The following CNGB3 variants were observed in gnomAD, a reference collection of about 807,000 sequenced individuals.
CNGB3 encodes cyclic nucleotide-gated channel beta-3.
In CNGB3, 86 loss-of-function variants were observed where a neutral mutation model predicts 92.8. That is an observed-to-expected ratio of 0.93 (90% CI 0.78 to 1.11). The LOEUF is 1.11. CNGB3 is among the 50% of genes least tolerant of loss of function. The pLI, the probability that CNGB3 is intolerant of heterozygous loss-of-function variation, is 0.00. For missense variants in CNGB3, 1,026 were observed against 956.8 expected, an observed-to-expected ratio of 1.07 and a Z score of -0.95; for synonymous variants, 333 against 332.7, an observed-to-expected ratio of 1.00 and a Z score of -0.01.
intron 8 of CNGB3, among the ~76,000 whole-genome samples, chr8:86,647,162 A>C (rs1463129420): frequency 6.6e-6 from 1 of 151,034 alleles, no homozygotes; most frequent in Non-Finnish European, 1.5e-5. Flanking sequence ...CCATATCAGT[A>C]CATAAAAAGC....
At chr8:86,664,322 C>G (rs1004334674) in intron 6 of CNGB3, among the ~76,000 whole-genome samples, 2 of 152,204 alleles carry the variant, frequency 1.3e-5, no homozygotes, top group Non-Finnish European at 2.9e-5. Flanking sequence ...TCTGAAGATT[C>G]AACAGAAAAT....
intron 12 of CNGB3, among the ~76,000 whole-genome samples, chr8:86,628,709 T>G (rs1822898530): frequency 6.6e-6 from 1 of 152,118 alleles, no homozygotes; most frequent in South Asian, 2.1e-4. Flanking sequence ...TGATTAAAAT[T>G]TAGCCTTTTC....
intron 2 of CNGB3, among the ~76,000 whole-genome samples, chr8:86,726,931 A>G (rs973758400): frequency 6.6e-6 from 1 of 152,136 alleles, no homozygotes; most frequent in Non-Finnish European, 1.5e-5. Flanking sequence ...TCGTTGTGCA[A>G]ACATCATAGA....
intron 15 of CNGB3, chr8:86,594,023 A>T (rs1585956070): frequency 2.6e-6 from 1 of 385,048 alleles, no homozygotes; most frequent in Non-Finnish European, 5.0e-6. Flanking sequence ...GCCCTAGGAC[A>T]TGAGGACCCT....
In CNGB3 at chr8:86,668,005, C is replaced by T. The variant is rs372475075; in HGVS notation, c.643+14G>A. The T allele has an allele frequency of 1.1e-4, 170 of 1,613,690 alleles. No homozygotes were observed. Among genetic ancestry groups the T allele is most frequent in the Non-Finnish European group, 1.4e-4 (161 of 1,179,862 alleles). ...CCAGCCCTCCCACTATGATAATTCA[C>T]CCTTTGATAATACCTGTGTATGAAT... is the stretch of plus-strand genomic sequence containing the variant. On this transcript the variant is annotated intron_variant, in intron 5 of 17. Coordinates refer to ENST00000320005, the MANE Select transcript of CNGB3 (RefSeq NM_019098.5).
intron 4 of CNGB3, 71 bp downstream of exon 4, chr8:86,670,873 T>C: frequency 1.9e-6 from 3 of 1,538,546 alleles, no homozygotes; most frequent in Non-Finnish European, 2.7e-6. Context: ...AGATCCAAAC[T>C]AAAACATCTG....
chr8:86,625,497 A>T (rs1554609862), intron 13 of CNGB3, among the ~76,000 whole-genome samples: 1 of 151,682 alleles, frequency 6.6e-6, no homozygotes, highest in Non-Finnish European at 1.5e-5. Flanking sequence ...CTTTGTTATA[A>T]TTTTTTTTTC....
At chr8:86,729,974 T>G (rs1218737415) in intron 2 of CNGB3, among the ~76,000 whole-genome samples, 4 of 152,218 alleles carry the variant, frequency 2.6e-5, no homozygotes, top group Non-Finnish European at 5.9e-5. Flanking sequence ...GTACACTTGG[T>G]CAAATTCTTC....
At chr8:86,668,353 G>C (rs1453320517) in intron 4 of CNGB3, among the ~76,000 whole-genome samples, 185 bp from the exon 5 acceptor site, 1 of 151,916 alleles carries the variant, frequency 6.6e-6, no homozygotes, top group Admixed American at 6.6e-5. Flanking sequence ...GGGGACAAGG[G>C]GAGGGATAAC....
chr8:86,644,109 T>C (rs1331150576), intron 9 of CNGB3, among the ~76,000 whole-genome samples: 1 of 151,212 alleles, frequency 6.6e-6, no homozygotes, highest in Non-Finnish European at 1.5e-5. Flanking sequence ...ACTTCCTCTC[T>C]TTTCACAGAT....
chr8:86,601,226 G>A (rs761177046), intron 15 of CNGB3, among the ~76,000 whole-genome samples: 30 of 152,086 alleles, frequency 2.0e-4, no homozygotes, highest in Non-Finnish European at 3.1e-4. Context: ...TAAGAAAAAT[G>A]ACATTTTAAC....
chr8:86,611,518 T>A, intron 14 of CNGB3, 70 bp downstream of exon 14: 1 of 1,276,958 alleles, frequency 7.8e-7, no homozygotes, highest in Non-Finnish European at 1.1e-6. Flanking sequence ...TTAAACAATG[T>A]TCTTGACTTA....
intron 15 of CNGB3, 44 bp from the exon 16 acceptor site, chr8:86,579,296 C>T (rs762836935): frequency 1.2e-6 from 2 of 1,607,914 alleles, no homozygotes; most frequent in South Asian, 2.2e-5. Context: ...TTTCAGTTTT[C>T]CTCCACTGAA....
intron 13 of CNGB3, among the ~76,000 whole-genome samples, chr8:86,623,439 C>T (rs935193882): frequency 2.6e-5 from 4 of 152,146 alleles, no homozygotes; most frequent in Non-Finnish European, 5.9e-5. Flanking sequence ...GAGGGCTGCT[C>T]TTTCTTCCAA....
At chr8:86,632,914 C>G in intron 10 of CNGB3, 21 bp from the exon 11 acceptor site, 1 of 1,610,866 alleles carries the variant, frequency 6.2e-7, no homozygotes, top group Non-Finnish European at 8.5e-7. Context: ...AGAAGATATA[C>G]ATTTTGCTTT....
At chr8:86,584,291 G>A (rs963854982) in intron 15 of CNGB3, among the ~76,000 whole-genome samples, 1 of 152,154 alleles carries the variant, frequency 6.6e-6, no homozygotes, top group Non-Finnish European at 1.5e-5. Flanking sequence ...TCACATTCCT[G>A]TTGTCATGGA....
At chr8:86,728,897 A>G (rs1245414212) in intron 2 of CNGB3, among the ~76,000 whole-genome samples, 1 of 152,148 alleles carries the variant, frequency 6.6e-6, no homozygotes, top group Non-Finnish European at 1.5e-5. Context: ...AACATTTCTT[A>G]AAGGCTTTTA....
At chr8:86,656,519 C>G (rs1247682110) in intron 6 of CNGB3, among the ~76,000 whole-genome samples, 2 of 152,136 alleles carry the variant, frequency 1.3e-5, no homozygotes, top group Non-Finnish European at 2.9e-5. Context: ...CAATTAGGTA[C>G]TTATTTTTAA....
intron 10 of CNGB3, among the ~76,000 whole-genome samples, chr8:86,637,439 C>T (rs1047733725): frequency 5.9e-5 from 9 of 151,860 alleles, no homozygotes; most frequent in Admixed American, 5.3e-4. Flanking sequence ...TTTAGCTATT[C>T]GGGGTCTTTT....
Sources: allele counts gnomAD v4.1 joint callset (sites outside exome capture counted in the v4.1 genomes callset), GRCh38; gene constraint gnomAD v4.1.1; transcripts MANE v1.5; gene names NCBI Gene and HGNC (gene_info 2026-07-23, HGNC 2026-07-21).